Variants in ZNF536 observed in about 807,000 individuals in gnomAD.
ZNF536 encodes zinc finger protein 536.
ZNF536 carries 13 observed loss-of-function variants against 84.5 expected under a neutral mutation model. That is an observed-to-expected ratio of 0.15 (90% confidence interval 0.10 to 0.24). The LOEUF is 0.24. ZNF536 is among the 10% of genes least tolerant of loss of function. ZNF536 has a pLI of 1.00. For missense variants in ZNF536, 1,536 were observed against 1,747.5 expected (o/e 0.88, Z 2.16); for synonymous variants, 811 against 742.5 (o/e 1.09, Z -1.50).
chr19:30,402,100 A>G (rs1276001868), intron 1 of ZNF536, among the ~76,000 whole-genome samples: 1 of 152,228 alleles, frequency 6.6e-6, no homozygotes, highest in Non-Finnish European at 1.5e-5. Context: ...TGATTTTTCT[A>G]TAGTTCTCAG....
intron 1 of ZNF536, among the ~76,000 whole-genome samples, chr19:30,621,705 G>C (rs2048488312): frequency 6.6e-6 from 1 of 152,176 alleles, no homozygotes; most frequent in Non-Finnish European, 1.5e-5. Context: ...AGCCGGGTGG[G>C]AGCCGGTGTC....
intron 1 of ZNF536, among the ~76,000 whole-genome samples, chr19:30,381,852 A>G (rs981679026): frequency 6.6e-6 from 1 of 152,188 alleles, no homozygotes; most frequent in African/African-American, 2.4e-5. Context: ...TGTGTATTTC[A>G]TCTCTTGGCC....
chr19:30,497,378 G>T (rs758302201), intron 2 of ZNF536, among the ~76,000 whole-genome samples: 7 of 152,314 alleles, frequency 4.6e-5, no homozygotes, highest in Middle Eastern at 3.4e-3. Flanking sequence ...ATGCAGGGAC[G>T]CATCCAGTGT....
intron 1 of ZNF536, among the ~76,000 whole-genome samples, chr19:30,411,593 C>G (rs1351646399): frequency 2.6e-5 from 4 of 152,058 alleles, no homozygotes; most frequent in Admixed American, 2.6e-4. Flanking sequence ...ATTTTTATAT[C>G]TGAATCATCA....
intron 1 of ZNF536, among the ~76,000 whole-genome samples, chr19:30,373,061 G>T (rs1307805553): frequency 6.6e-6 from 1 of 152,178 alleles, no homozygotes; most frequent in Non-Finnish European, 1.5e-5. Flanking sequence ...TCCGCATCGG[G>T]ATCACCATGC....
At chr19:30,230,587 T>C (rs1203361432) in intron 1 of ZNF536, among the ~76,000 whole-genome samples, 1 of 152,072 alleles carries the variant, frequency 6.6e-6, no homozygotes, top group Non-Finnish European at 1.5e-5. Flanking sequence ...TAACCCCCAT[T>C]ATGGGAGAGG....
chr19:30,454,117 T>A (rs2052731732), intron 2 of ZNF536, among the ~76,000 whole-genome samples: 1 of 152,256 alleles, frequency 6.6e-6, no homozygotes, highest in African/African-American at 2.4e-5. Flanking sequence ...GCAAGCAGTG[T>A]CTACCTTTAG....
chr19:30,316,709 A>T (rs1398706538), intron 2 of ZNF536, among the ~76,000 whole-genome samples: 1 of 152,102 alleles, frequency 6.6e-6, no homozygotes, highest in Non-Finnish European at 1.5e-5. Context: ...TCTTCATTCC[A>T]TGGGTGCCAT....
intron 2 of ZNF536, among the ~76,000 whole-genome samples, chr19:30,311,973 T>C (rs892294122): frequency 6.6e-6 from 1 of 152,074 alleles, no homozygotes; most frequent in Non-Finnish European, 1.5e-5. Flanking sequence ...GAGGCTGAGA[T>C]GGAAGGATCA....
At chr19:30,464,713 T>C (rs1014078239) in intron 2 of ZNF536, among the ~76,000 whole-genome samples, 2 of 151,904 alleles carry the variant, frequency 1.3e-5, no homozygotes, top group Admixed American at 1.3e-4. Context: ...GAATGGCACA[T>C]GGGTCCAGGA....
At chr19:30,320,338 T>G (rs2046813115) in intron 2 of ZNF536, among the ~76,000 whole-genome samples, 1 of 152,254 alleles carries the variant, frequency 6.6e-6, no homozygotes, top group Non-Finnish European at 1.5e-5. Flanking sequence ...GGCATGTCAT[T>G]TTTAAATAGA....
At chr19:30,688,286 A>G (rs1296963093) in intron 1 of ZNF536, among the ~76,000 whole-genome samples, 1 of 151,994 alleles carries the variant, frequency 6.6e-6, no homozygotes, top group Admixed American at 6.5e-5. Context: ...GAATTTCTGT[A>G]TTTCGTTTTC....
chr19:30,478,160 T>G (rs554882670), intron 2 of ZNF536, among the ~76,000 whole-genome samples: 1 of 151,522 alleles, frequency 6.6e-6, no homozygotes, highest in Non-Finnish European at 1.5e-5. Flanking sequence ...TTGGTGTTTT[T>G]TTTTTTTTTT....
At chr19:30,516,648 G>A (rs1360494647) in intron 2 of ZNF536, among the ~76,000 whole-genome samples, 1 of 152,146 alleles carries the variant, frequency 6.6e-6, no homozygotes, top group African/African-American at 2.4e-5. Context: ...TGATGATTAC[G>A]AGACAGGCAA....
chr19:30,266,269 C>T (rs1200391730), intron 1 of ZNF536, among the ~76,000 whole-genome samples: 2 of 152,148 alleles, frequency 1.3e-5, no homozygotes, highest in Admixed American at 6.5e-5. Flanking sequence ...AGGTTGGTCT[C>T]AAACTCCTGG....
chr19:30,525,284 G>A (rs530941503), intron 2 of ZNF536, among the ~76,000 whole-genome samples: 57 of 152,292 alleles, frequency 3.7e-4, no homozygotes, highest in African/African-American at 1.3e-3. Flanking sequence ...ACCTGCATGC[G>A]CTGAACACTC....
At chr19:30,454,355 G>C (rs2052742088) in intron 2 of ZNF536, among the ~76,000 whole-genome samples, 1 of 152,150 alleles carries the variant, frequency 6.6e-6, no homozygotes, top group Non-Finnish European at 1.5e-5. Context: ...TAGCACAGTG[G>C]TGGTCATCGT....
chr19:30,466,584 A>AAGAGAGAG (rs372587955), intron 2 of ZNF536, among the ~76,000 whole-genome samples: 11,945 of 144,392 alleles, frequency 0.083, 687 homozygotes, highest in South Asian at 0.17. Context: ...GAAAGAAAGA[A>AAGAGAGAG]AGAGAGAGAG....
intron 1 of ZNF536, among the ~76,000 whole-genome samples, chr19:30,612,454 G>C (rs1390281366): frequency 1.3e-5 from 2 of 152,152 alleles, no homozygotes; most frequent in Non-Finnish European, 2.9e-5. Flanking sequence ...GATTCTCACT[G>C]AGGTCTCTGG....
Sources: allele counts gnomAD v4.1 joint callset (sites outside exome capture counted in the v4.1 genomes callset), GRCh38; gene constraint gnomAD v4.1.1; transcripts MANE v1.5; gene names NCBI Gene and HGNC (gene_info 2026-07-23, HGNC 2026-07-21).